Variants in MAX observed in about 807,000 individuals in gnomAD.
The protein encoded by MAX is MYC associated transcriptional regulator X, also known as protein max.
Under a neutral mutation model 22.3 loss-of-function variants are expected in MAX, and 3 were observed. That is an observed-to-expected ratio of 0.13 (90% CI 0.06 to 0.35). The LOEUF is 0.35. Ranked by LOEUF, MAX falls within the 10% of genes least tolerant of loss-of-function variation. The pLI is 1.00. For missense variants in MAX, 119 were observed against 209.4 expected (o/e 0.57, Z 2.66); for synonymous variants, 72 against 77.7 (o/e 0.93, Z 0.39).
downstream of MAX, among the ~76,000 whole-genome samples, chr14:65,072,291 G>A (rs2062995795): frequency 6.6e-6 from 1 of 152,144 alleles, no homozygotes. Flanking sequence ...TTCTAAAGGG[G>A]CTAGTGTAGG....
In MAX at chr14:65,014,479, CT is replaced by C. The variant is rs1482649368; in HGVS notation, c.172-8196del. Among the ~76,000 whole-genome samples, 2 of 152,160 alleles carry C rather than the reference CT, an allele frequency of 1.3e-5. No individual in the cohort carries two copies. Among genetic ancestry groups the C allele is most frequent in the Admixed American group, 1.3e-4 (2 of 15,272 alleles). ...TATGTCTGTCCAGTGCTCTCTTCCCCTACAGGTAACCACACACATTCTATAT... is the reference window on the plus strand; with the variant it reads ...TATGTCTGTCCAGTGCTCTCTTCCCCACAGGTAACCACACACATTCTATAT... On this transcript the variant is annotated intron_variant, in intron 3 of 3. Transcript: ENST00000341653. This position sits in a 1 kb window ranked among gnomAD's most constrained non-coding sequence, Gnocchi z 5.1.
chr14:65,084,822 A>C lies in MAX; in HGVS notation c.172-6786T>G, dbSNP rs2063285712. Among the ~76,000 whole-genome samples, 1 of 152,190 alleles carries C rather than the reference A, an allele frequency of 6.6e-6. No individual in the cohort carries two copies. Among genetic ancestry groups the C allele is most frequent in the African/African-American group, 2.4e-5 (1 of 41,430 alleles). Reference sequence around the variant, plus strand: ...TGAAGAGACCAGGAAGGAATACACAAATTGATAACACTATATTTCCTTGCT... The same window carrying C: ...TGAAGAGACCAGGAAGGAATACACACATTGATAACACTATATTTCCTTGCT... On this transcript the variant is annotated intron_variant, in intron 3 of 4. Transcript: ENST00000358664. This position sits in a 1 kb window ranked among gnomAD's most constrained non-coding sequence, Gnocchi z 4.3.
At chr14:65,074,752 C>A (rs1404958250), downstream of MAX, among the ~76,000 whole-genome samples, 3 of 152,216 alleles carry the variant, frequency 2.0e-5, no homozygotes, top group African/African-American at 7.2e-5. Context: ...CTGAAAGGTC[C>A]TGGAGAACAG....
Position 65,044,513 on chromosome 14 carries a change from A to T in MAX, c.172-38229T>A, listed in dbSNP as rs2062431451. 1 of 1,550,754 alleles carries T rather than the reference A, an allele frequency of 6.4e-7. No individual in the cohort carries two copies. Among genetic ancestry groups the T allele is most frequent in the Admixed American group, 2.2e-5 (1 of 45,130 alleles). On this transcript the variant is annotated intron_variant, in intron 3 of 3. Transcript: ENST00000341653. This position sits in a 1 kb window ranked among gnomAD's most constrained non-coding sequence, Gnocchi z 5.5. ...CACTACTCACAAAGTCTGGAAGCCC[A>T]GCGTGCTTTTTTAGAGGGGTTGAAA... is the stretch of plus-strand genomic sequence containing the variant.
chr14:65,102,616 T>C (rs2063885209), upstream of MAX: 2 of 1,284,082 alleles, frequency 1.6e-6, no homozygotes, highest in Non-Finnish European at 2.0e-6. Context: ...TTCTTGTCCC[T>C]CTAACAGACG....
intron 3 of MAX, among the ~76,000 whole-genome samples, chr14:65,081,272 G>A (rs7155468): frequency 6.6e-6 from 1 of 151,956 alleles, no homozygotes; most frequent in East Asian, 1.9e-4. Context: ...AAGAATTAAG[G>A]CCCAACAAGA....
rs2062515294 is a variant in MAX at position 65,047,763 on chromosome 14, A to G, written c.172-41479T>C. On this transcript the variant is annotated intron_variant, in intron 3 of 3. Transcript: ENST00000341653. This position sits in a 1 kb window ranked among gnomAD's most constrained non-coding sequence, Gnocchi z 5.2. ...AAAGGTTAAGGGTTAAATAATAAAA[A>G]TCTCTCCAAACAGTAGCTGCATACC... Among the ~76,000 whole-genome samples, 1 of 152,148 alleles carries G rather than the reference A, an allele frequency of 6.6e-6. No homozygotes were observed. The highest frequency in any genetic ancestry group is 2.4e-5 in the African/African-American group (1 of 41,432).
chr14:65,068,990 A>G (rs561595565), intron 3 of MAX, among the ~76,000 whole-genome samples: 1 of 152,238 alleles, frequency 6.6e-6, no homozygotes, highest in African/African-American at 2.4e-5. Context: ...GTCAAGGGAG[A>G]AGGGCTGCAA....
At chr14:65,095,210 C>A (rs1407211944) in intron 2 of MAX, among the ~76,000 whole-genome samples, 1 of 152,218 alleles carries the variant, frequency 6.6e-6, no homozygotes, top group Non-Finnish European at 1.5e-5. Context: ...AATACCTCAC[C>A]TACAGCTCTG....
Position 65,054,474 on chromosome 14 carries a change from G to A in MAX, c.171+39234C>T. 8.4e-7 allele frequency: 1 copy of A among 1,184,730 alleles called. No individual in the cohort carries two copies. The highest frequency in any genetic ancestry group is 1.2e-6 in the Non-Finnish European group (1 of 833,124). 73.4% of individuals were successfully genotyped at this position (1,184,730 alleles called of 1,614,324 possible). A position where few individuals can be genotyped will look rare whatever the true frequency, so the allele number is the denominator to read the frequency against. Reference sequence around the variant, plus strand: ...CCTCTAGCCACATGGAGGATGGGGGGGGACGTGTGATTGCACCAGTGGTCT... The same window carrying A: ...CCTCTAGCCACATGGAGGATGGGGGAGGACGTGTGATTGCACCAGTGGTCT... On this transcript the variant is annotated intron_variant, in intron 3 of 3. Transcript: ENST00000341653. This position sits in a 1 kb window ranked among gnomAD's most constrained non-coding sequence, Gnocchi z 4.4.
Position 65,027,448 on chromosome 14 carries a change from C to CCTAG in MAX, c.172-21168_172-21165dup. The CCTAG allele has an allele frequency of 6.2e-7, 1 of 1,614,026 alleles. No homozygotes were observed. On this transcript the variant is annotated intron_variant, in intron 3 of 3. Coordinates refer to the MAX transcript ENST00000341653. This position sits in a 1 kb window ranked among gnomAD's most constrained non-coding sequence, Gnocchi z 5.7. ...TTTGTTTTTGCCCTTTGGCTGTGTA[C>CCTAG]CTAGTGTGTGTCAGTTCCTGGAGCT...
rs1228344753 is a variant in MAX at position 65,031,050 on chromosome 14, C to T, written c.172-24766G>A. On this transcript the variant is annotated intron_variant, in intron 3 of 3. Coordinates refer to the MAX transcript ENST00000341653. This position sits in a 1 kb window ranked among gnomAD's most constrained non-coding sequence, Gnocchi z 4.6. ...CTCGAACTCCTGACCTCAAATAATC[C>T]ACCTGCCTTAGCCTCCCAAAGTGCT... is the stretch of plus-strand genomic sequence containing the variant. Among the ~76,000 whole-genome samples, 4 of 151,994 alleles carry T rather than the reference C, an allele frequency of 2.6e-5. No individual in the cohort carries two copies. The highest frequency in any genetic ancestry group is 7.3e-5 in the African/African-American group (3 of 41,378).
At position 65,084,043 on chromosome 14, in the gene MAX, G is replaced by A; in HGVS notation, c.172-6007C>T. The A allele has an allele frequency of 6.3e-7, 1 of 1,588,896 alleles. No individual in the cohort carries two copies. The highest frequency in any genetic ancestry group is 1.1e-5 in the South Asian group (1 of 89,560). On this transcript the variant is annotated intron_variant, in intron 3 of 4. Coordinates refer to ENST00000358664, the MANE Select transcript of MAX (RefSeq NM_002382.5). The surrounding 1 kb of genome is among the most constrained non-coding windows in gnomAD (Gnocchi z 4.3). ...AGCACAGACCCATGGCTCCTTGAAG[G>A]CTTCCTGCTGCCAGGGCCTCCCCAG...
At position 65,011,453 on chromosome 14, in the gene MAX, G is replaced by A. The variant is rs201721177; in HGVS notation, c.172-5169C>T. ...CAGGAAAAAAAAAAAAAAAAAAAAAGACTGCATGAAGGCTCTTACTCTGAG... is the reference window on the plus strand; with the variant it reads ...CAGGAAAAAAAAAAAAAAAAAAAAAAACTGCATGAAGGCTCTTACTCTGAG... On this transcript the variant is annotated intron_variant, in intron 3 of 3. Transcript: ENST00000341653. The surrounding 1 kb of genome is among the most constrained non-coding windows in gnomAD (Gnocchi z 4.0). Among the ~76,000 whole-genome samples the A allele has an allele frequency of 6.2e-4, 81 of 130,676 alleles. No individual in the cohort carries two copies. The highest frequency in any genetic ancestry group is 9.1e-4 in the Non-Finnish European group (58 of 64,072). The allele number at this position is 130,676 out of a possible 152,430, so 85.7% of individuals were successfully genotyped here.
intron 3 of MAX, among the ~76,000 whole-genome samples, chr14:65,043,834 A>G (rs2062411808): frequency 1.3e-5 from 1 of 77,606 alleles, no homozygotes; most frequent in Admixed American, 1.5e-4. Context: ...GTCTCAAAAA[A>G]AAAAAAAAAA....
chr14:65,015,107 T>C (rs1424806360), intron 3 of MAX, among the ~76,000 whole-genome samples: 1 of 145,010 alleles, frequency 6.9e-6, no homozygotes, highest in Non-Finnish European at 1.5e-5. Flanking sequence ...TTCTTTTCTT[T>C]CTTTTTTTTT....
chr14:65,084,346 A>G lies in MAX; in HGVS notation c.172-6310T>C. 1 of 1,161,392 alleles carries G rather than the reference A, an allele frequency of 8.6e-7. No individual in the cohort carries two copies. The highest frequency in any genetic ancestry group is 1.2e-5 in the South Asian group (1 of 80,930). The allele number at this position is 1,161,392 out of a possible 1,614,324, so 71.9% of individuals were successfully genotyped here. ...AAGCAATTAATTTCACAAGTAATAA[A>G]TAGAATACAAAATTACTAACTTTTG... On this transcript the variant is annotated intron_variant, in intron 3 of 4. Transcript: ENST00000358664. This position sits in a 1 kb window ranked among gnomAD's most constrained non-coding sequence, Gnocchi z 4.3.
In MAX at chr14:65,093,825, T is replaced by A. The variant is rs2063582533; in HGVS notation, c.64-10A>T. The A allele has an allele frequency of 6.8e-7, 1 of 1,474,846 alleles. No individual in the cohort carries two copies. The highest frequency in any genetic ancestry group is 1.7e-5 in the Admixed American group (1 of 59,832). 91.4% of individuals were successfully genotyped at this position (1,474,846 alleles called of 1,614,324 possible). On this transcript the variant is annotated splice_polypyrimidine_tract_variant and intron_variant, in intron 2 of 4. Coordinates refer to ENST00000358664, the MANE Select transcript of MAX (RefSeq NM_002382.5). The surrounding 1 kb of genome is among the most constrained non-coding windows in gnomAD (Gnocchi z 4.4). ...GAGCCCGTTTGTCAGCCTAGAAGAATGGGAGAAAGAACACATTAGGAATGT... is the reference window on the plus strand; with the variant it reads ...GAGCCCGTTTGTCAGCCTAGAAGAAAGGGAGAAAGAACACATTAGGAATGT...
chr14:65,093,921 C>T lies in MAX; in HGVS notation c.64-106G>A. 3 of 764,866 alleles carry T rather than the reference C, an allele frequency of 3.9e-6. No homozygotes were observed. Among genetic ancestry groups the T allele is most frequent in the South Asian group, 2.8e-5 (2 of 71,940 alleles). The allele number at this position is 764,866 out of a possible 1,614,324, so 47.4% of individuals were successfully genotyped here. A position where few individuals can be genotyped will look rare whatever the true frequency, so the allele number is the denominator to read the frequency against. On this transcript the variant is annotated intron_variant, in intron 2 of 4. Coordinates refer to ENST00000358664, the MANE Select transcript of MAX (RefSeq NM_002382.5). The surrounding 1 kb of genome is among the most constrained non-coding windows in gnomAD (Gnocchi z 4.4). ...TACACGCTGTCAGCACTGTCCCTGG[C>T]GAGTGGACTGGGAAGGATTTCTCGA...
Sources: allele counts gnomAD v4.1 joint callset (sites outside exome capture counted in the v4.1 genomes callset), GRCh38; gene constraint gnomAD v4.1.1; non-coding constraint Gnocchi (gnomAD v3.1); transcripts MANE v1.5; gene names NCBI Gene and HGNC (gene_info 2026-07-23, HGNC 2026-07-21).